Variants in CNTN6 observed in about 807,000 individuals in gnomAD.
The protein encoded by CNTN6 is contactin 6.
A neutral mutation model predicts 122.8 loss-of-function variants in CNTN6; 137 were observed. The observed-to-expected ratio is 1.12, with a 90% CI of 0.97 to 1.29. The LOEUF is 1.29. CNTN6 is among the 50% of genes most tolerant of loss of function. CNTN6 has a pLI of 0.00. For synonymous variants in CNTN6, 570 were observed against 426.0 expected (o/e 1.34, Z -4.16); for missense variants, 1,634 against 1,223.4 (o/e 1.34, Z -5.01).
chr3:1,374,197 G>A, intron 16 of CNTN6, 124 bp downstream of exon 16: 1 of 908,586 alleles, frequency 1.1e-6, no homozygotes, highest in Non-Finnish European at 1.6e-6. Context: ...GTAAACGAGT[G>A]GCTCTCATTT....
intron 7 of CNTN6, among the ~76,000 whole-genome samples, chr3:1,313,642 C>G (rs1350773829): frequency 6.6e-6 from 1 of 152,064 alleles, no homozygotes; most frequent in Non-Finnish European, 1.5e-5. Flanking sequence ...TATAAACAAA[C>G]CATTTGTGGC....
chr3:1,208,658 T>A (rs1270996220), intron 2 of CNTN6, among the ~76,000 whole-genome samples: 1 of 152,118 alleles, frequency 6.6e-6, no homozygotes, highest in Non-Finnish European at 1.5e-5. Flanking sequence ...TTGCCTAGAC[T>A]CAAAATTGAG....
At chr3:1,102,453 G>C (rs934086531) in intron 1 of CNTN6, among the ~76,000 whole-genome samples, 3 of 152,196 alleles carry the variant, frequency 2.0e-5, no homozygotes, top group African/African-American at 7.2e-5. Context: ...CAGTCCTGCC[G>C]GGCGCGGTGG....
In CNTN6 at chr3:1,385,816, C is replaced by T. The variant is rs1453335551; in HGVS notation, c.2704+19C>T. 8 of 1,580,092 alleles carry T rather than the reference C, an allele frequency of 5.1e-6. No individual in the cohort carries two copies. The highest frequency in any genetic ancestry group is 4.6e-5 in the South Asian group (4 of 86,252). On this transcript the variant is annotated intron_variant, in intron 20 of 22. Transcript: ENST00000446702. The stretch of plus-strand genomic sequence containing the variant: ...AAGTCTCGTAAGTATGCATACACTC[C>T]AGGAAACAAGATTCATCTGTGAAGA...
At chr3:1,317,158 A>G (rs1046781379) in intron 7 of CNTN6, among the ~76,000 whole-genome samples, 2 of 151,648 alleles carry the variant, frequency 1.3e-5, no homozygotes, top group African/African-American at 4.8e-5. Context: ...TTGTTAACAC[A>G]GACTATTGCC....
chr3:1,311,437 A>G (rs1699272626), intron 7 of CNTN6, among the ~76,000 whole-genome samples: 1 of 83,878 alleles, frequency 1.2e-5, no homozygotes, highest in Admixed American at 1.3e-4. Flanking sequence ...ATATATGTAC[A>G]TATAAAATGT....
chr3:1,183,372 A>G (rs1370128941), intron 2 of CNTN6, among the ~76,000 whole-genome samples: 3 of 152,136 alleles, frequency 2.0e-5, no homozygotes, highest in African/African-American at 7.2e-5. Flanking sequence ...TGAAAAATTT[A>G]TAACTAAAAT....
intron 4 of CNTN6, 84 bp from the exon 5 acceptor site, chr3:1,278,329 A>G (rs1692784538): frequency 1.0e-6 from 1 of 988,828 alleles, no homozygotes; most frequent in African/African-American, 1.6e-5. Context: ...CCCCTTAATA[A>G]TAAAAACATT....
At chr3:1,331,063 G>A (rs902851646) in intron 11 of CNTN6, among the ~76,000 whole-genome samples, 1 of 151,802 alleles carries the variant, frequency 6.6e-6, no homozygotes, top group Admixed American at 6.6e-5. Context: ...ATTTGTGGCC[G>A]AGGAAAAAAG....
chr3:1,275,611 C>T (rs1040048969), intron 4 of CNTN6, among the ~76,000 whole-genome samples: 1 of 152,104 alleles, frequency 6.6e-6, no homozygotes, highest in Non-Finnish European at 1.5e-5. Context: ...GGTGTATATG[C>T]TTATAAATCC....
intron 2 of CNTN6, among the ~76,000 whole-genome samples, chr3:1,155,336 G>C (rs1186347417): frequency 6.6e-6 from 1 of 152,132 alleles, no homozygotes; most frequent in African/African-American, 2.4e-5. Flanking sequence ...AAATGAGCAC[G>C]TTATTGACCT....
intron 3 of CNTN6, 60 bp downstream of exon 3, chr3:1,220,873 C>A (rs931328003): frequency 6.6e-7 from 1 of 1,505,572 alleles, no homozygotes; most frequent in Admixed American, 2.2e-5. Flanking sequence ...CCAAAACATA[C>A]ACAAAATAAA....
At chr3:1,152,644 C>A (rs536813274) in intron 2 of CNTN6, among the ~76,000 whole-genome samples, 67 of 152,248 alleles carry the variant, frequency 4.4e-4, no homozygotes, top group African/African-American at 1.5e-3. Context: ...AAATCTTTCA[C>A]CTTACCATGG....
rs150001768 is a variant in CNTN6, at chr3:1,186,569, T to C, written c.56-34118T>C. The stretch of plus-strand genomic sequence containing the variant: ...TTAGGTGTTTTTCTTTCGTGAATTA[T>C]TTCCTGGGAGTTAGGGCTCTTTCAT... On this transcript the variant is annotated intron_variant, in intron 2 of 22. Transcript: ENST00000446702. Among the ~76,000 whole-genome samples the C allele has an allele frequency of 2.6e-4, 39 of 152,354 alleles. No homozygotes were observed. The East Asian group carries it at 5.0e-3, about 20-fold the overall frequency.
intron 8 of CNTN6, among the ~76,000 whole-genome samples, chr3:1,325,176 T>G (rs265783): frequency 0.058 from 8,876 of 151,888 alleles, 841 homozygotes; most frequent in African/African-American, 0.2. Context: ...CTCACTACTA[T>G]GAAGAACTTT....
intron 7 of CNTN6, chr3:1,298,288 C>T (rs570739723): frequency 3.9e-4 from 88 of 223,560 alleles, no homozygotes; most frequent in African/African-American, 1.7e-3. Context: ...TAAGTGCACT[C>T]GTATAAGATG....
chr3:1,121,356 T>C lies in CNTN6; in HGVS notation c.-82-26571T>C, dbSNP rs529338125. 1.4e-4 allele frequency among the ~76,000 whole-genome samples: 21 copies of C among 152,056 alleles called. 1 individual carries two copies. The East Asian group carries it at 3.3e-3, about 24-fold the overall frequency. The stretch of plus-strand genomic sequence containing the variant: ...TTATTTATAAAAAAGCACAGAAACA[T>C]CAGTATTCCATAGCTCCTTTATAAG... On this transcript the variant is annotated intron_variant, in intron 1 of 22. Transcript: ENST00000446702.
At chr3:1,285,336 G>A (rs1339240227) in intron 5 of CNTN6, among the ~76,000 whole-genome samples, 1 of 152,140 alleles carries the variant, frequency 6.6e-6, no homozygotes, top group African/African-American at 2.4e-5. Flanking sequence ...GTTGATGAAG[G>A]GATAGCAGGT....
intron 2 of CNTN6, among the ~76,000 whole-genome samples, chr3:1,212,279 G>T (rs1181535152): frequency 2.2e-5 from 3 of 133,994 alleles, no homozygotes; most frequent in Admixed American, 1.7e-4. Context: ...TTGAGATAAG[G>T]TCTTGAACTT....
Sources: allele counts gnomAD v4.1 joint callset (sites outside exome capture counted in the v4.1 genomes callset), GRCh38; gene constraint gnomAD v4.1.1; transcripts MANE v1.5; gene names NCBI Gene and HGNC (gene_info 2026-07-23, HGNC 2026-07-21).